Variants in RSRC1 observed in about 807,000 individuals in gnomAD.
RSRC1 encodes serine/Arginine-related protein 53.
RSRC1 carries 39 observed loss-of-function variants against 49.1 expected under a neutral mutation model. The ratio of observed to expected loss-of-function variants is 0.79; its 90% CI spans 0.61 to 1.04. RSRC1 has a LOEUF of 1.04. Among genes scored for constraint, RSRC1 ranks in the 50% least tolerant of loss-of-function variants. The probability of loss-of-function intolerance (pLI) is 0.00; values close to 1 mark genes in which losing one functional copy is unlikely to be tolerated. For synonymous variants in RSRC1, 143 were observed against 130.8 expected, an observed-to-expected ratio of 1.09 and a Z score of -0.63; for missense variants, 388 against 402.4, an observed-to-expected ratio of 0.96 and a Z score of 0.31.
At chr3:158,325,495 T>C (rs1486438406) in intron 5 of RSRC1, among the ~76,000 whole-genome samples, 2 of 152,120 alleles carry the variant, frequency 1.3e-5, no homozygotes, top group Non-Finnish European at 2.9e-5. Flanking sequence ...AATCCTTTCC[T>C]CATTGCTTGT....
chr3:158,149,558 A>G (rs1717391456), intron 3 of RSRC1, among the ~76,000 whole-genome samples: 1 of 152,216 alleles, frequency 6.6e-6, no homozygotes, highest in Non-Finnish European at 1.5e-5. Flanking sequence ...AGGTGAATAC[A>G]TGCACATTCA....
chr3:158,403,399 G>A (rs1733992162), intron 6 of RSRC1, among the ~76,000 whole-genome samples: 1 of 151,662 alleles, frequency 6.6e-6, no homozygotes, highest in Admixed American at 6.6e-5. Flanking sequence ...GGTGAATTAT[G>A]GGGGTTGGTA....
chr3:158,180,708 T>G (rs1719548053), intron 3 of RSRC1, among the ~76,000 whole-genome samples: 1 of 151,736 alleles, frequency 6.6e-6, no homozygotes, highest in African/African-American at 2.4e-5. Flanking sequence ...ACTCAAGTGA[T>G]TCGCCTGCCT....
chr3:158,284,113 A>G (rs146167256), intron 4 of RSRC1, among the ~76,000 whole-genome samples: 20,967 of 148,172 alleles, frequency 0.14, 1,592 homozygotes, highest in Middle Eastern at 0.21. Flanking sequence ...TCATTGTTCA[A>G]TTCCCACCTA....
intron 3 of RSRC1, among the ~76,000 whole-genome samples, chr3:158,172,959 A>G (rs541631576): frequency 1.3e-5 from 2 of 152,142 alleles, no homozygotes; most frequent in Admixed American, 6.5e-5. Context: ...AAGAAACTTG[A>G]TGTTGACTTA....
intron 4 of RSRC1, among the ~76,000 whole-genome samples, chr3:158,254,523 C>G (rs1724419245): frequency 6.6e-6 from 1 of 151,568 alleles, no homozygotes; most frequent in Non-Finnish European, 1.5e-5. Context: ...GCCCTGCCTC[C>G]TGGGTTCACG....
chr3:158,327,619 T>A (rs553650611), intron 5 of RSRC1, among the ~76,000 whole-genome samples: 1 of 152,098 alleles, frequency 6.6e-6, no homozygotes, highest in African/African-American at 2.4e-5. Context: ...ATTTCTGTTC[T>A]TTTACATTTG....
intron 3 of RSRC1, among the ~76,000 whole-genome samples, chr3:158,144,774 C>G (rs924310775): frequency 4.6e-5 from 7 of 152,324 alleles, no homozygotes; most frequent in Admixed American, 4.6e-4. Flanking sequence ...GTTCCTATTT[C>G]TCCACATCCT....
chr3:158,430,081 T>TAAAAGAAAAG (rs1480589469), intron 6 of RSRC1, among the ~76,000 whole-genome samples: 31 of 136,226 alleles, frequency 2.3e-4, no homozygotes, highest in African/African-American at 1.0e-3. Context: ...ACAAAAAAAA[T>TAAAAGAAAAG]AAAATAAAAT....
intron 6 of RSRC1, among the ~76,000 whole-genome samples, chr3:158,428,626 G>C (rs1168659512): frequency 6.6e-6 from 1 of 151,818 alleles, no homozygotes; most frequent in Non-Finnish European, 1.5e-5. Context: ...TATAATAAAG[G>C]CTGATTATTT....
intron 6 of RSRC1, among the ~76,000 whole-genome samples, chr3:158,355,752 A>C (rs1731120808): frequency 6.6e-6 from 1 of 151,858 alleles, no homozygotes; most frequent in Non-Finnish European, 1.5e-5. Context: ...TTATTCAAAC[A>C]ATAAGTTTTA....
chr3:158,220,702 T>G (rs1222814497), intron 4 of RSRC1, among the ~76,000 whole-genome samples: 3 of 151,592 alleles, frequency 2.0e-5, no homozygotes, highest in African/African-American at 7.3e-5. Context: ...AAAAAGACTA[T>G]TGTTTGCCTT....
chr3:158,137,655 C>CTTTTTTTTTTTTT (rs11388972), intron 3 of RSRC1, among the ~76,000 whole-genome samples: 1 of 138,522 alleles, frequency 7.2e-6, no homozygotes, highest in Non-Finnish European at 1.5e-5. Flanking sequence ...TTTTCTTTTT[C>CTTTTTTTTTTTTT]TTTTTTTTTT....
intron 4 of RSRC1, among the ~76,000 whole-genome samples, chr3:158,279,947 C>A (rs1008967804): frequency 3.3e-5 from 5 of 152,192 alleles, no homozygotes; most frequent in Admixed American, 1.3e-4. Flanking sequence ...GAAGACTGGT[C>A]AGCTGGTGTT....
At chr3:158,471,379 G>A (rs1738128042) in intron 7 of RSRC1, among the ~76,000 whole-genome samples, 2 of 152,076 alleles carry the variant, frequency 1.3e-5, no homozygotes, top group African/African-American at 4.8e-5. Flanking sequence ...TAATATACAT[G>A]AAGCCCTTAT....
chr3:158,278,133 G>A (rs1725921752), intron 4 of RSRC1, among the ~76,000 whole-genome samples: 1 of 152,170 alleles, frequency 6.6e-6, no homozygotes, highest in Non-Finnish European at 1.5e-5. Flanking sequence ...AGGATATTCA[G>A]CATCTGTATC....
chr3:158,512,122 G>C (rs1182654081), intron 7 of RSRC1, among the ~76,000 whole-genome samples: 7 of 148,864 alleles, frequency 4.7e-5, no homozygotes, highest in Non-Finnish European at 1.0e-4. Context: ...TCTTTAATTA[G>C]ATCCCATTTG....
intron 3 of RSRC1, among the ~76,000 whole-genome samples, chr3:158,161,873 G>T (rs935104316): frequency 6.6e-6 from 1 of 152,150 alleles, no homozygotes; most frequent in Admixed American, 6.6e-5. Flanking sequence ...GGCAAGGGGG[G>T]GCTCAAAATT....
chr3:158,451,092 T>G (rs1736999561), intron 6 of RSRC1, among the ~76,000 whole-genome samples: 1 of 151,906 alleles, frequency 6.6e-6, no homozygotes, highest in South Asian at 2.1e-4. Flanking sequence ...CTGTGAGGTA[T>G]GTATGCCACT....
Sources: allele counts gnomAD v4.1 joint callset (sites outside exome capture counted in the v4.1 genomes callset), GRCh38; gene constraint gnomAD v4.1.1; transcripts MANE v1.5; gene names NCBI Gene and HGNC (gene_info 2026-07-23, HGNC 2026-07-21).